Variants in TMEM117 observed in about 807,000 individuals in gnomAD.
TMEM117 encodes transmembrane protein 117.
Under a neutral mutation model 52.4 loss-of-function variants are expected in TMEM117, and 27 were observed. The ratio of observed to expected loss-of-function variants is 0.51; its 90% CI spans 0.38 to 0.71. The LOEUF (loss-of-function observed/expected upper bound fraction) is 0.71, where lower values mean the gene tolerates loss of function less well. TMEM117 is among the 30% of genes least tolerant of loss of function. The probability of loss-of-function intolerance (pLI) is 0.00; values close to 1 mark genes in which losing one functional copy is unlikely to be tolerated. For missense variants in TMEM117, 556 were observed against 630.5 expected (o/e 0.88, Z 1.26); for synonymous variants, 215 against 206.3 (o/e 1.04, Z -0.36).
chr12:44,084,560 G>T (rs1304504967), intron 3 of TMEM117, among the ~76,000 whole-genome samples: 5 of 152,092 alleles, frequency 3.3e-5, no homozygotes, highest in African/African-American at 1.2e-4. Flanking sequence ...TCCCTGTTGT[G>T]TCTTTCATTC....
intron 3 of TMEM117, among the ~76,000 whole-genome samples, chr12:43,952,410 C>T (rs1945239147): frequency 1.3e-5 from 2 of 151,978 alleles, no homozygotes; most frequent in African/African-American, 2.4e-5. Context: ...ATTACAGGAG[C>T]TGTTAACTAG....
chr12:44,207,030 C>T (rs1019386875), intron 4 of TMEM117, among the ~76,000 whole-genome samples: 1 of 152,058 alleles, frequency 6.6e-6, no homozygotes, highest in Non-Finnish European at 1.5e-5. Flanking sequence ...ATCTAAACAG[C>T]TTTATATGTG....
At chr12:44,091,315 T>G (rs1297044695) in intron 3 of TMEM117, among the ~76,000 whole-genome samples, 1 of 152,106 alleles carries the variant, frequency 6.6e-6, no homozygotes, top group African/African-American at 2.4e-5. Context: ...ACAATTCAAG[T>G]TGAGATTTGG....
At chr12:43,888,017 G>GCTACA (rs1163718324) in intron 2 of TMEM117, among the ~76,000 whole-genome samples, 1 of 152,084 alleles carries the variant, frequency 6.6e-6, no homozygotes, top group Non-Finnish European at 1.5e-5. Flanking sequence ...CCTCTATTTG[G>GCTACA]GGCAAATCTG....
At chr12:43,906,041 T>C (rs993943447) in intron 2 of TMEM117, among the ~76,000 whole-genome samples, 1 of 152,260 alleles carries the variant, frequency 6.6e-6, no homozygotes, top group Admixed American at 6.5e-5. Flanking sequence ...GTCAATAATT[T>C]TCTACCCAAC....
intron 3 of TMEM117, among the ~76,000 whole-genome samples, chr12:43,993,390 A>T (rs1172792367): frequency 6.6e-6 from 1 of 152,172 alleles, no homozygotes; most frequent in Non-Finnish European, 1.5e-5. Flanking sequence ...TATCATTATC[A>T]CTTGTACTAT....
At chr12:44,025,633 G>A (rs980891966) in intron 3 of TMEM117, among the ~76,000 whole-genome samples, 1 of 152,082 alleles carries the variant, frequency 6.6e-6, no homozygotes, top group Non-Finnish European at 1.5e-5. Flanking sequence ...GAATTCAGCT[G>A]TTGTATTTTC....
intron 3 of TMEM117, among the ~76,000 whole-genome samples, chr12:44,078,449 G>A (rs1427998364): frequency 1.3e-5 from 2 of 152,194 alleles, no homozygotes; most frequent in African/African-American, 4.8e-5. Context: ...CAGCATGTGT[G>A]CAAACATAGC....
chr12:44,018,150 C>T (rs2137826219), intron 3 of TMEM117, among the ~76,000 whole-genome samples: 1 of 152,082 alleles, frequency 6.6e-6, no homozygotes. Flanking sequence ...CTGCCTTTGT[C>T]TTGAAATTAG....
chr12:44,017,147 A>C (rs1273667199), intron 3 of TMEM117, among the ~76,000 whole-genome samples: 1 of 152,004 alleles, frequency 6.6e-6, no homozygotes, highest in Non-Finnish European at 1.5e-5. Context: ...GATGAGCATC[A>C]ATCTGATCTG....
intron 5 of TMEM117, among the ~76,000 whole-genome samples, chr12:44,253,860 A>G (rs1224589019): frequency 6.6e-6 from 1 of 151,718 alleles, no homozygotes; most frequent in African/African-American, 2.4e-5. Context: ...ACACACACAC[A>G]CACACACACA....
At chr12:44,134,840 G>A (rs1433675557) in intron 3 of TMEM117, among the ~76,000 whole-genome samples, 1 of 152,016 alleles carries the variant, frequency 6.6e-6, no homozygotes, top group African/African-American at 2.4e-5. Context: ...GGTGACGTTA[G>A]CTCAAGAACA....
chr12:43,833,319 T>C (rs1942993120), upstream of TMEM117, among the ~76,000 whole-genome samples: 1 of 152,236 alleles, frequency 6.6e-6, no homozygotes, highest in Non-Finnish European at 1.5e-5. Context: ...CAATTGATTA[T>C]GGAGTGGATT....
intron 3 of TMEM117, among the ~76,000 whole-genome samples, chr12:44,082,786 C>G (rs915846785): frequency 6.6e-6 from 1 of 152,036 alleles, no homozygotes; most frequent in African/African-American, 2.4e-5. Context: ...TACTAGTAGC[C>G]TTACACTGAA....
At chr12:43,922,793 A>G (rs546649386) in intron 2 of TMEM117, among the ~76,000 whole-genome samples, 1 of 152,182 alleles carries the variant, frequency 6.6e-6, no homozygotes, top group Non-Finnish European at 1.5e-5. Flanking sequence ...TCTTCTCACC[A>G]CTGATGTTTT....
intron 3 of TMEM117, among the ~76,000 whole-genome samples, chr12:43,969,206 A>G (rs939848906): frequency 1.3e-5 from 2 of 151,840 alleles, no homozygotes; most frequent in African/African-American, 4.8e-5. Context: ...TACAGTACAG[A>G]TTTATCAACC....
Position 43,944,782 on chromosome 12 carries a change from TGA to T in TMEM117, c.410+451_410+452del, listed in dbSNP as rs200394836. On this transcript the variant is annotated intron_variant, in intron 3 of 7. Transcript: ENST00000266534. The stretch of plus-strand genomic sequence containing the variant: ...TTTTCTTTAACTCTCTTGACAGTCC[TGA>T]GAGAGAGAGACCTTTGTTATAAATA... Among the ~76,000 whole-genome samples, 443 of 152,136 alleles carry T rather than the reference TGA, an allele frequency of 2.9e-3. 4 individuals carry two copies. Among genetic ancestry groups the T allele is most frequent in the African/African-American group, 9.8e-3 (408 of 41,504 alleles).
chr12:43,924,263 C>A (rs1466656731), intron 2 of TMEM117, among the ~76,000 whole-genome samples: 1 of 152,110 alleles, frequency 6.6e-6, no homozygotes, highest in African/African-American at 2.4e-5. Context: ...TGCCTGAATT[C>A]TTAAAGATGA....
chr12:44,106,797 A>G lies in TMEM117; in HGVS notation c.411-36728A>G, dbSNP rs189391873. On this transcript the variant is annotated intron_variant, in intron 3 of 7. Transcript: ENST00000266534. ...GAGTATTTCACATGTGGAATAAAAG[A>G]TGAATTCCAATTACAGTGAATAGTA... Among the ~76,000 whole-genome samples, 1,244 of 152,186 alleles carry G rather than the reference A, an allele frequency of 8.2e-3. 13 individuals are homozygous for G. Among genetic ancestry groups the G allele is most frequent in the African/African-American group, 0.029 (1,185 of 41,556 alleles).
Sources: gnomAD v4.1 joint callset for allele counts (sites outside exome capture counted in the v4.1 genomes callset) on GRCh38, gnomAD v4.1.1 for gene constraint, MANE v1.5 for transcripts, NCBI Gene and HGNC (gene_info 2026-07-23, HGNC 2026-07-21) for gene names.